Variants in AGBL4 observed in about 807,000 individuals in gnomAD.
AGBL4 encodes AGBL carboxypeptidase 4, also known as cytosolic carboxypeptidase 6.
In AGBL4, 58 loss-of-function variants were observed where a neutral mutation model predicts 66.4. That is an observed-to-expected ratio of 0.87 (90% CI 0.71 to 1.09). The LOEUF is 1.09. Ranked by LOEUF, AGBL4 falls within the 50% of genes least tolerant of loss-of-function variation. The pLI is 0.00. For missense variants in AGBL4, 579 were observed against 631.0 expected, an observed-to-expected ratio of 0.92 and a Z score of 0.88; for synonymous variants, 234 against 222.9, an observed-to-expected ratio of 1.05 and a Z score of -0.44.
chr1:49,134,854 G>A (rs1311079177), intron 4 of AGBL4, among the ~76,000 whole-genome samples: 1 of 151,954 alleles, frequency 6.6e-6, no homozygotes, highest in Non-Finnish European at 1.5e-5. Context: ...GTATTGATTG[G>A]GGAAGTGATA....
chr1:48,951,441 C>T (rs1270646924), intron 5 of AGBL4, among the ~76,000 whole-genome samples: 1 of 152,106 alleles, frequency 6.6e-6, no homozygotes, highest in East Asian at 1.9e-4. Flanking sequence ...ATGTTTGTCA[C>T]CCCCATCCCT....
intron 3 of AGBL4, among the ~76,000 whole-genome samples, chr1:49,389,114 C>A (rs1393719549): frequency 6.6e-6 from 1 of 152,098 alleles, no homozygotes. Flanking sequence ...GAAGGTCCAA[C>A]TCTGTGGCAC....
intron 4 of AGBL4, among the ~76,000 whole-genome samples, chr1:49,158,967 G>A (rs1413572636): frequency 2.0e-5 from 3 of 147,068 alleles, no homozygotes; most frequent in East Asian, 2.0e-4. Context: ...CTTTGCATAC[G>A]AGATGGGTCT....
chr1:50,002,849 T>C (rs1021421635), intron 1 of AGBL4, among the ~76,000 whole-genome samples: 1 of 152,188 alleles, frequency 6.6e-6, no homozygotes, highest in African/African-American at 2.4e-5. Flanking sequence ...GTTCCTACTC[T>C]CTGTATGGAT....
intron 4 of AGBL4, among the ~76,000 whole-genome samples, chr1:49,237,635 A>G (rs1392014249): frequency 6.8e-6 from 1 of 145,988 alleles, no homozygotes; most frequent in East Asian, 2.1e-4. Context: ...TAGAAACTCT[A>G]CCTTATTTTA....
intron 6 of AGBL4, among the ~76,000 whole-genome samples, chr1:48,717,598 A>G (rs1390828631): frequency 6.6e-6 from 1 of 152,096 alleles, no homozygotes; most frequent in East Asian, 1.9e-4. Flanking sequence ...CACTTTTTCT[A>G]CCATCCTGCA....
In AGBL4 at chr1:49,937,965, T is replaced by A. The variant is rs933037245; in HGVS notation, c.34+85798A>T. Among the ~76,000 whole-genome samples, 578 of 151,884 alleles carry A rather than the reference T, an allele frequency of 3.8e-3. 6 individuals carry two copies. The highest frequency in any genetic ancestry group is 0.012 in the African/African-American group (494 of 41,402). On this transcript the variant is annotated intron_variant, in intron 1 of 13. Coordinates refer to ENST00000371839, the MANE Select transcript of AGBL4 (RefSeq NM_032785.4). ...AAAAGCAAGAGCAAACACATTCAAA[T>A]GCCAGCAGAAGGCAAGAAATAACTA...
At chr1:48,934,241 A>G (rs886457096) in intron 5 of AGBL4, among the ~76,000 whole-genome samples, 1 of 152,136 alleles carries the variant, frequency 6.6e-6, no homozygotes, top group Non-Finnish European at 1.5e-5. Context: ...GAAGACGCTC[A>G]GCTATTATAG....
intron 3 of AGBL4, among the ~76,000 whole-genome samples, chr1:49,550,237 T>C (rs1286481788): frequency 1.3e-5 from 2 of 152,186 alleles, no homozygotes; most frequent in Non-Finnish European, 2.9e-5. Context: ...CATTCAGAAG[T>C]TCTGTATCTT....
intron 3 of AGBL4, among the ~76,000 whole-genome samples, chr1:49,523,477 A>G (rs1650421935): frequency 6.6e-6 from 1 of 152,036 alleles, no homozygotes; most frequent in Non-Finnish European, 1.5e-5. Context: ...TGGACCTTAA[A>G]TATTGGTGCA....
chr1:48,709,988 C>T (rs1160621539), intron 6 of AGBL4, among the ~76,000 whole-genome samples: 1 of 152,096 alleles, frequency 6.6e-6, no homozygotes, highest in African/African-American at 2.4e-5. Flanking sequence ...TGTACACAGA[C>T]CCACTTTACG....
At chr1:49,011,969 C>T (rs546403912) in intron 5 of AGBL4, among the ~76,000 whole-genome samples, 1 of 149,530 alleles carries the variant, frequency 6.7e-6, no homozygotes, top group Non-Finnish European at 1.5e-5. Flanking sequence ...CAGCATGGCA[C>T]ATATATACAT....
chr1:49,620,783 T>G (rs186900145), intron 3 of AGBL4, among the ~76,000 whole-genome samples: 2 of 152,284 alleles, frequency 1.3e-5, no homozygotes, highest in African/African-American at 4.8e-5. Context: ...ATTAGGTCCC[T>G]TCTCCCTAAA....
At chr1:49,384,365 G>T (rs570863765) in intron 3 of AGBL4, among the ~76,000 whole-genome samples, 1 of 151,834 alleles carries the variant, frequency 6.6e-6, no homozygotes, top group East Asian at 2.0e-4. Flanking sequence ...AGGTCGAGGC[G>T]GGCGGATCAT....
At chr1:49,068,326 A>C (rs957845383) in intron 4 of AGBL4, among the ~76,000 whole-genome samples, 8 of 151,540 alleles carry the variant, frequency 5.3e-5, no homozygotes, top group Non-Finnish European at 1.2e-4. Flanking sequence ...AGTTTGCTGC[A>C]CCCATCAACT....
intron 3 of AGBL4, among the ~76,000 whole-genome samples, chr1:49,519,341 C>A (rs1650076494): frequency 6.6e-6 from 1 of 151,960 alleles, no homozygotes; most frequent in Non-Finnish European, 1.5e-5. Context: ...AAAAGCTTTT[C>A]TTTTAATCTA....
At chr1:49,154,666 C>T (rs905401861) in intron 4 of AGBL4, among the ~76,000 whole-genome samples, 1 of 152,128 alleles carries the variant, frequency 6.6e-6, no homozygotes, top group African/African-American at 2.4e-5. Flanking sequence ...ATGGTGCTGA[C>T]ATGAAATAAC....
chr1:48,705,945 A>G (rs1330173369), intron 6 of AGBL4, among the ~76,000 whole-genome samples: 1 of 152,254 alleles, frequency 6.6e-6, no homozygotes, highest in Non-Finnish European at 1.5e-5. Context: ...CAGAAATTGT[A>G]GCAGGAGGTT....
At chr1:49,923,934 A>T (rs1652511525) in intron 1 of AGBL4, among the ~76,000 whole-genome samples, 2 of 152,226 alleles carry the variant, frequency 1.3e-5, no homozygotes. Context: ...CTAAAGACAG[A>T]ACTACCATTC....
Sources: gnomAD v4.1 joint callset for allele counts (sites outside exome capture counted in the v4.1 genomes callset) on GRCh38, gnomAD v4.1.1 for gene constraint, MANE v1.5 for transcripts, NCBI Gene and HGNC (gene_info 2026-07-23, HGNC 2026-07-21) for gene names.